GAS2L3: variants seen among roughly 807,000 people sequenced by gnomAD.
GAS2L3 encodes growth arrest specific 2 like 3, also known as GAS2-like protein 3.
In GAS2L3, 28 loss-of-function variants were observed where a neutral mutation model predicts 37.0. The observed-to-expected ratio is 0.76, with a 90% CI of 0.56 to 1.04. GAS2L3 has a LOEUF of 1.04. Among genes scored for constraint, GAS2L3 ranks in the 50% least tolerant of loss-of-function variants. GAS2L3 has a pLI of 0.00. For missense variants in GAS2L3, 793 were observed against 817.6 expected (o/e 0.97, Z 0.37); for synonymous variants, 290 against 296.6 (o/e 0.98, Z 0.23).
chr12:100,609,838 G>A (rs79515008), intron 5 of GAS2L3, among the ~76,000 whole-genome samples: 3,427 of 152,224 alleles, frequency 0.023, 77 homozygotes, highest in Admixed American at 0.078. Context: ...ACAGCAGTGA[G>A]TTCAATGTAA....
chr12:100,618,396 C>G, intron 7 of GAS2L3, 53 bp from the exon 8 acceptor site: 1 of 1,545,300 alleles, frequency 6.5e-7, no homozygotes, highest in Middle Eastern at 1.8e-4. Context: ...GATATGCAGG[C>G]AAGTACTGGG....
chr12:100,595,150 T>C (rs1955895547), intron 3 of GAS2L3, among the ~76,000 whole-genome samples: 1 of 151,986 alleles, frequency 6.6e-6, no homozygotes, highest in Admixed American at 6.6e-5. Context: ...CTTAGGGTTA[T>C]CTCTTCTCAG....
At chr12:100,592,852 G>C (rs77607136) in intron 2 of GAS2L3, among the ~76,000 whole-genome samples, 4 of 151,944 alleles carry the variant, frequency 2.6e-5, no homozygotes, top group South Asian at 2.1e-4. Flanking sequence ...ATTGAAATAG[G>C]CTTCTTCAAA....
chr12:100,589,356 A>T (rs1196501382), intron 1 of GAS2L3, among the ~76,000 whole-genome samples: 1 of 152,022 alleles, frequency 6.6e-6, no homozygotes, highest in Non-Finnish European at 1.5e-5. Context: ...AAAAATGAAT[A>T]TACCTAACCA....
intron 5 of GAS2L3, among the ~76,000 whole-genome samples, chr12:100,606,088 T>C (rs987064337): frequency 6.6e-6 from 1 of 152,096 alleles, no homozygotes; most frequent in African/African-American, 2.4e-5. Flanking sequence ...AAGTGGGGTG[T>C]TGAAGTCTCC....
At chr12:100,615,976 A>G (rs1164797458) in intron 6 of GAS2L3, among the ~76,000 whole-genome samples, 1 of 152,014 alleles carries the variant, frequency 6.6e-6, no homozygotes, top group Non-Finnish European at 1.5e-5. Context: ...TGCCCTTTGG[A>G]ATCCCATACT....
intron 3 of GAS2L3, among the ~76,000 whole-genome samples, chr12:100,598,553 C>T (rs1955943440): frequency 6.6e-6 from 1 of 152,106 alleles, no homozygotes; most frequent in East Asian, 1.9e-4. Context: ...TAAAATTACT[C>T]CTTTTCCCTT....
At chr12:100,589,041 G>A (rs1180927339) in intron 1 of GAS2L3, among the ~76,000 whole-genome samples, 1 of 152,142 alleles carries the variant, frequency 6.6e-6, no homozygotes, top group African/African-American at 2.4e-5. Context: ...CTGAGGTGAT[G>A]TACATCCTCA....
At chr12:100,574,243 C>T (rs140532456) in intron 1 of GAS2L3, among the ~76,000 whole-genome samples, 1 of 152,300 alleles carries the variant, frequency 6.6e-6, no homozygotes, top group Non-Finnish European at 1.5e-5. Context: ...TCATCATCCT[C>T]GGAAAGAATT....
At chr12:100,590,490 G>A (rs1955832543) in intron 1 of GAS2L3, among the ~76,000 whole-genome samples, 1 of 152,280 alleles carries the variant, frequency 6.6e-6, no homozygotes, top group Middle Eastern at 3.4e-3. Context: ...TAGTACAGAT[G>A]CTGTGGAAAA....
At chr12:100,576,724 C>A (rs1955641932) in intron 1 of GAS2L3, among the ~76,000 whole-genome samples, 1 of 149,828 alleles carries the variant, frequency 6.7e-6, no homozygotes, top group African/African-American at 2.5e-5. Flanking sequence ...AAAGTGTTTT[C>A]ATTTGATTAC....
At chr12:100,618,779 G>T in intron 8 of GAS2L3, 192 bp downstream of exon 8, 1 of 488,252 alleles carries the variant, frequency 2.0e-6, no homozygotes, top group Non-Finnish European at 3.5e-6. Flanking sequence ...TATTGCTTGT[G>T]TATGATGAGG....
intron 1 of GAS2L3, among the ~76,000 whole-genome samples, chr12:100,577,965 G>A (rs1049221565): frequency 6.6e-6 from 1 of 152,254 alleles, no homozygotes; most frequent in Non-Finnish European, 1.5e-5. Flanking sequence ...ACAAATCTTT[G>A]TTAGCTTGGT....
In GAS2L3 at chr12:100,617,802, G is replaced by C; in HGVS notation, c.504G>C (p.Val168=). Residue 168 remains valine (V), a synonymous_variant, in exon 7 of 10, where the codon GTG becomes GTC. Coordinates refer to ENST00000547754, the MANE Select transcript of GAS2L3 (RefSeq NM_174942.3). ...GTCTTCTTGAAATTGGTCGAATTGTGTCAAGGTATGTATTCCACAATATTT... is the reference window on the plus strand; with the variant it reads ...GTCTTCTTGAAATTGGTCGAATTGTCTCAAGGTATGTATTCCACAATATTT... ...YLCLLEIGRI[V]SRYGVEPPVL... is the part of the protein sequence containing the mutation. The C allele has an allele frequency of 3.8e-6, 6 of 1,573,842 alleles. No homozygotes were observed. The highest frequency in any genetic ancestry group is 5.2e-6 in the Non-Finnish European group (6 of 1,144,122).
At position 100,600,535 on chromosome 12, in the gene GAS2L3, T is replaced by G; in HGVS notation, c.172T>G (p.Leu58Val). 1 of 1,613,414 alleles carries G rather than the reference T, an allele frequency of 6.2e-7. No homozygotes were observed. Among genetic ancestry groups the G allele is most frequent in the Non-Finnish European group, 8.5e-7 (1 of 1,179,590 alleles). Reference sequence around the variant, plus strand: ...CATGCAAGAAGATCTGTCAATCTGGTTATCTGGTTTATTAGGTGAGGCTTG... The same window carrying G: ...CATGCAAGAAGATCTGTCAATCTGGGTATCTGGTTTATTAGGTGAGGCTTG... ...LPMQEDLSIWLSGLLGIKVKA... is the reference protein window; with the variant it reads ...LPMQEDLSIWVSGLLGIKVKA... Residue 58 changes from leucine (L) to valine (V), a missense_variant, in exon 4 of 10, where the codon TTA becomes GTA. Physicochemically the swap from Leu to Val is conservative, Grantham distance 32 (BLOSUM62 1). Coordinates refer to ENST00000547754, the MANE Select transcript of GAS2L3 (RefSeq NM_174942.3).
At chr12:100,585,478 A>G (rs1302169842) in intron 1 of GAS2L3, among the ~76,000 whole-genome samples, 1 of 140,862 alleles carries the variant, frequency 7.1e-6, no homozygotes, top group African/African-American at 2.7e-5. Context: ...CTGGTCTTGA[A>G]CTCCTGACCT....
rs969881520 is a variant in GAS2L3, at chr12:100,626,303, C to A, written c.*1413C>A. 1.3e-5 allele frequency: 2 copies of A among 152,120 alleles called. No individual in the cohort carries two copies. Among genetic ancestry groups the A allele is most frequent in the Admixed American group, 1.3e-4 (2 of 15,274 alleles). The allele number at this position is 152,120 out of a possible 1,614,324, so 9.4% of individuals were successfully genotyped here. A position where few individuals can be genotyped will look rare whatever the true frequency, so the allele number is the denominator to read the frequency against. ...CTGGCGACTAGTGTTCTATAGATTA[C>A]AAAGCAAGAAAACTTTCTATGAAGA... On this transcript the variant is annotated 3_prime_UTR_variant, in exon 10 of 10. Coordinates refer to ENST00000547754, the MANE Select transcript of GAS2L3 (RefSeq NM_174942.3).
chr12:100,589,379 C>A (rs1273140331), intron 1 of GAS2L3, among the ~76,000 whole-genome samples: 2 of 151,866 alleles, frequency 1.3e-5, no homozygotes, highest in Admixed American at 6.6e-5. Context: ...GAGTCAAAGA[C>A]CTCTACAAGG....
intron 5 of GAS2L3, among the ~76,000 whole-genome samples, chr12:100,608,367 T>A (rs563397089): frequency 6.6e-6 from 1 of 152,276 alleles, no homozygotes; most frequent in African/African-American, 2.4e-5. Context: ...GCCCAAGACC[T>A]GCTGTAACCA....
Sources: gnomAD v4.1 joint callset for allele counts (sites outside exome capture counted in the v4.1 genomes callset) on GRCh38, gnomAD v4.1.1 for gene constraint, MANE v1.5 for transcripts, NCBI Gene and HGNC (gene_info 2026-07-23, HGNC 2026-07-21) for gene names.